Variants in CLSTN2 observed in about 807,000 individuals in gnomAD.
CLSTN2 encodes the protein calsyntenin-2.
In CLSTN2, 48 loss-of-function variants were observed where a neutral mutation model predicts 101.2. The observed-to-expected ratio is 0.47, with a 90% CI of 0.38 to 0.60. The LOEUF is 0.60. CLSTN2 is among the 20% of genes least tolerant of loss of function. The pLI is 0.00. For missense variants in CLSTN2, 1,160 were observed against 1,238.2 expected (o/e 0.94, Z 0.95); for synonymous variants, 481 against 463.6 (o/e 1.04, Z -0.48).
At chr3:140,415,790 A>G (rs2088425916) in intron 4 of CLSTN2, among the ~76,000 whole-genome samples, 1 of 152,200 alleles carries the variant, frequency 6.6e-6, no homozygotes, top group South Asian at 2.1e-4. Flanking sequence ...AAACATCATG[A>G]ATGTACCTCA....
chr3:140,122,593 GA>G (rs1350211646), intron 1 of CLSTN2, among the ~76,000 whole-genome samples: 2 of 152,146 alleles, frequency 1.3e-5, no homozygotes, highest in African/African-American at 4.8e-5. Context: ...TAATGGGCTG[GA>G]AATGCAATAT....
intron 1 of CLSTN2, among the ~76,000 whole-genome samples, chr3:140,053,037 C>T (rs2008027570): frequency 6.6e-6 from 1 of 152,156 alleles, no homozygotes; most frequent in Non-Finnish European, 1.5e-5. Flanking sequence ...AGCACAGAGC[C>T]CTTCTCTGGA....
At chr3:140,390,588 C>G (rs78872237) in intron 2 of CLSTN2, among the ~76,000 whole-genome samples, 18,236 of 152,182 alleles carry the variant, frequency 0.12, 1,239 homozygotes, top group Admixed American at 0.15. Flanking sequence ...ATGTAGTATT[C>G]TATACATATC....
chr3:140,063,758 T>A (rs2008251736), intron 1 of CLSTN2, among the ~76,000 whole-genome samples: 1 of 152,162 alleles, frequency 6.6e-6, no homozygotes, highest in African/African-American at 2.4e-5. Flanking sequence ...GGAGGGGCCA[T>A]CTTGCACCTT....
intron 1 of CLSTN2, among the ~76,000 whole-genome samples, chr3:140,035,185 T>C (rs541462522): frequency 1.3e-5 from 2 of 152,364 alleles, no homozygotes; most frequent in South Asian, 4.1e-4. Context: ...TCCATCCTAA[T>C]GACCATTAGC....
chr3:140,022,187 G>T (rs529609162), intron 1 of CLSTN2, among the ~76,000 whole-genome samples: 5 of 152,196 alleles, frequency 3.3e-5, no homozygotes, highest in Admixed American at 3.3e-4. Context: ...GAAGTGCTGG[G>T]GGCCTCAGCT....
At chr3:140,372,058 C>G (rs1361853083) in intron 2 of CLSTN2, among the ~76,000 whole-genome samples, 1 of 152,152 alleles carries the variant, frequency 6.6e-6, no homozygotes, top group Admixed American at 6.5e-5. Flanking sequence ...GTGGGGATAT[C>G]CCAAACCTGA....
At chr3:140,450,638 C>A (rs193036731) in intron 6 of CLSTN2, among the ~76,000 whole-genome samples, 35 of 152,182 alleles carry the variant, frequency 2.3e-4, no homozygotes, top group African/African-American at 8.2e-4. Flanking sequence ...CACAGTCTAG[C>A]CTGCCTTCCC....
intron 2 of CLSTN2, among the ~76,000 whole-genome samples, chr3:140,232,915 C>G (rs6439904): frequency 0.53 from 80,163 of 151,864 alleles, 21,867 homozygotes; most frequent in East Asian, 0.88. Flanking sequence ...ACTGCCAGAG[C>G]CTGCTGACTG....
chr3:140,060,299 A>G (rs951482178), intron 1 of CLSTN2, among the ~76,000 whole-genome samples: 1 of 152,138 alleles, frequency 6.6e-6, no homozygotes, highest in African/African-American at 2.4e-5. Context: ...TGATATCAGT[A>G]GGGAAGAAAG....
chr3:140,010,502 T>C (rs1029389169), intron 1 of CLSTN2, among the ~76,000 whole-genome samples: 2 of 152,216 alleles, frequency 1.3e-5, no homozygotes, highest in African/African-American at 4.8e-5. Context: ...TCTTGCTCTT[T>C]CCTGATAATT....
intron 6 of CLSTN2, among the ~76,000 whole-genome samples, chr3:140,455,120 A>T (rs1933365599): frequency 6.6e-6 from 1 of 152,234 alleles, no homozygotes; most frequent in African/African-American, 2.4e-5. Context: ...GTCATAACTT[A>T]GATATTACAT....
intron 1 of CLSTN2, among the ~76,000 whole-genome samples, chr3:139,987,722 T>A (rs1181781363): frequency 6.6e-6 from 1 of 152,176 alleles, no homozygotes; most frequent in Non-Finnish European, 1.5e-5. Flanking sequence ...GCCTCCCATG[T>A]CCTTGATCTT....
rs111567210 is a variant in CLSTN2, at chr3:140,366,564, A to G, written c.233-37065A>G. 1.9e-3 allele frequency among the ~76,000 whole-genome samples: 288 copies of G among 152,286 alleles called. 1 individual carries two copies. The highest frequency in any genetic ancestry group is 6.4e-3 in the African/African-American group (265 of 41,570). Reference sequence around the variant, plus strand: ...AGGGCCCTTGCATTGTCATTAGCTCATGCTTGTCTTCCCTCTCTCTTCTAC... The same window carrying G: ...AGGGCCCTTGCATTGTCATTAGCTCGTGCTTGTCTTCCCTCTCTCTTCTAC... On this transcript the variant is annotated intron_variant, in intron 2 of 16. Coordinates refer to ENST00000458420, the MANE Select transcript of CLSTN2 (RefSeq NM_022131.3).
At chr3:140,412,003 G>A (rs888891540) in intron 4 of CLSTN2, among the ~76,000 whole-genome samples, 6 of 152,068 alleles carry the variant, frequency 3.9e-5, no homozygotes, top group Non-Finnish European at 8.8e-5. Context: ...GATTTTCCAC[G>A]GGGAGATTTG....
intron 1 of CLSTN2, among the ~76,000 whole-genome samples, chr3:140,171,730 A>G (rs1403659256): frequency 3.0e-4 from 35 of 117,718 alleles, no homozygotes; most frequent in African/African-American, 2.8e-4. Context: ...TATATTATAT[A>G]TAATATATTA....
rs977112140 is a variant in CLSTN2, at chr3:140,577,131, T to G, written c.*10878T>G. The G allele has an allele frequency of 6.6e-6, 1 of 152,170 alleles. No homozygotes were observed. Among genetic ancestry groups the G allele is most frequent in the South Asian group, 2.1e-4 (1 of 4,826 alleles). 9.4% of individuals were successfully genotyped at this position (152,170 alleles called of 1,614,324 possible). ...GAGAGTCTCTATGTATATAAAGATATAGGAAGAAAATAAGGATCATCACAG... is the reference window on the plus strand; with the variant it reads ...GAGAGTCTCTATGTATATAAAGATAGAGGAAGAAAATAAGGATCATCACAG... On this transcript the variant is annotated 3_prime_UTR_variant, in exon 17 of 17. Transcript: ENST00000458420.
rs187268817 is a variant in CLSTN2 at position 140,243,870 on chromosome 3, A to G, written c.232+67797A>G. On this transcript the variant is annotated intron_variant, in intron 2 of 16. Transcript: ENST00000458420. ...TTTATCTCCCTGAATGGCGCAAGTG[A>G]GAAAACAGGCCAAGAGAGATGCTCC... Among the ~76,000 whole-genome samples, 873 of 152,344 alleles carry G rather than the reference A, an allele frequency of 5.7e-3. 17 individuals carry two copies. The highest frequency in any genetic ancestry group is 0.036 in the Admixed American group (548 of 15,298).
At chr3:140,144,988 T>C (rs1380059067) in intron 1 of CLSTN2, among the ~76,000 whole-genome samples, 1 of 152,222 alleles carries the variant, frequency 6.6e-6, no homozygotes, top group Non-Finnish European at 1.5e-5. Flanking sequence ...CCATTTCCTA[T>C]CCTCACGCCC....
Sources: gnomAD v4.1 joint callset for allele counts (sites outside exome capture counted in the v4.1 genomes callset) on GRCh38, gnomAD v4.1.1 for gene constraint, MANE v1.5 for transcripts, NCBI Gene and HGNC (gene_info 2026-07-23, HGNC 2026-07-21) for gene names.